The following PDZD2 variants were observed in gnomAD, a reference collection of about 807,000 sequenced individuals.
PDZD2 encodes the protein PDZ domain containing 2.
A neutral mutation model predicts 220.7 loss-of-function variants in PDZD2; 90 were observed. That is an observed-to-expected ratio of 0.41 (90% CI 0.34 to 0.49). PDZD2 has a LOEUF of 0.49. PDZD2 is among the 20% of genes least tolerant of loss of function. The probability of loss-of-function intolerance (pLI) is 0.28; values close to 1 mark genes in which losing one functional copy is unlikely to be tolerated. For missense variants in PDZD2, 3,174 were observed against 3,608.5 expected (o/e 0.88, Z 3.08); for synonymous variants, 1,375 against 1,450.5 (o/e 0.95, Z 1.18).
intron 1 of PDZD2, among the ~76,000 whole-genome samples, chr5:31,666,724 AAG>A (rs1423907379): frequency 1.8e-4 from 27 of 152,334 alleles, no homozygotes; most frequent in African/African-American, 5.1e-4. Flanking sequence ...TGTATACCAT[AAG>A]AGAGTAATTT....
chr5:31,960,088 C>T (rs1748071882), intron 2 of PDZD2, among the ~76,000 whole-genome samples: 1 of 152,164 alleles, frequency 6.6e-6, no homozygotes, highest in South Asian at 2.1e-4. Flanking sequence ...GACCCTGTTT[C>T]CAAACAAGGT....
chr5:31,644,642 G>T (rs1745070333), intron 1 of PDZD2, among the ~76,000 whole-genome samples: 1 of 152,172 alleles, frequency 6.6e-6, no homozygotes, highest in Non-Finnish European at 1.5e-5. Context: ...CCAGTAGTGT[G>T]TTCACCCCAC....
At chr5:31,869,423 CGTG>C (rs930994323) in intron 2 of PDZD2, among the ~76,000 whole-genome samples, 3 of 152,072 alleles carry the variant, frequency 2.0e-5, no homozygotes, top group East Asian at 1.9e-4. Flanking sequence ...ATTAGCCGGG[CGTG>C]GTGGCGGGCG....
chr5:31,677,874 A>G (rs1746497313), intron 1 of PDZD2, among the ~76,000 whole-genome samples: 1 of 151,708 alleles, frequency 6.6e-6, no homozygotes, highest in African/African-American at 2.4e-5. Context: ...TGGGGATGGT[A>G]GGACAGCAGC....
At chr5:31,761,751 C>CT (rs200660800) in intron 1 of PDZD2, among the ~76,000 whole-genome samples, 2,733 of 151,566 alleles carry the variant, frequency 0.018, 80 homozygotes, top group African/African-American at 0.063. Context: ...ATCCCAGCTA[C>CT]TTGAGAGGCT....
intron 2 of PDZD2, among the ~76,000 whole-genome samples, chr5:31,929,577 C>T (rs1371188624): frequency 6.6e-6 from 1 of 152,206 alleles, no homozygotes; most frequent in African/African-American, 2.4e-5. Flanking sequence ...AGGCCAGGCG[C>T]AGTGGCTCAC....
intron 2 of PDZD2, among the ~76,000 whole-genome samples, chr5:31,859,398 TTTC>T (rs1272718427): frequency 1.4e-4 from 22 of 152,194 alleles, no homozygotes; most frequent in Admixed American, 1.2e-3. Flanking sequence ...AAAAAAAACA[TTTC>T]TACTTCCTGG....
At chr5:31,695,065 A>C (rs1425426654) in intron 1 of PDZD2, among the ~76,000 whole-genome samples, 1 of 152,054 alleles carries the variant, frequency 6.6e-6, no homozygotes, top group Admixed American at 6.6e-5. Flanking sequence ...CGGAGGTTGC[A>C]GTGAGCCGAG....
intron 6 of PDZD2, among the ~76,000 whole-genome samples, chr5:32,017,462 AAAAATAGTTT>A (rs1753870352): frequency 1.3e-5 from 2 of 152,162 alleles, no homozygotes; most frequent in Non-Finnish European, 2.9e-5. Context: ...AAAATTAGAA[AAAAATAGTTT>A]AAAATGGCCT....
intron 1 of PDZD2, among the ~76,000 whole-genome samples, chr5:31,752,973 C>A (rs1163210805): frequency 6.6e-6 from 1 of 152,170 alleles, no homozygotes; most frequent in Non-Finnish European, 1.5e-5. Flanking sequence ...TCCTCCAAGG[C>A]CAGCACAGCC....
At chr5:31,686,223 CA>C (rs938970518) in intron 1 of PDZD2, among the ~76,000 whole-genome samples, 53 of 139,472 alleles carry the variant, frequency 3.8e-4, no homozygotes, top group African/African-American at 5.0e-4. Context: ...GTCTCCGTCT[CA>C]AAAAAAAAAA....
At chr5:31,843,253 A>G (rs540976443) in intron 2 of PDZD2, 1 of 150,628 alleles carries the variant, frequency 6.6e-6, no homozygotes, top group Admixed American at 6.6e-5. Context: ...TGGGCATATT[A>G]ACAACAACTT....
intron 1 of PDZD2, among the ~76,000 whole-genome samples, chr5:31,676,577 T>C (rs1191398379): frequency 6.6e-6 from 1 of 151,044 alleles, no homozygotes; most frequent in East Asian, 1.9e-4. Flanking sequence ...TCTTTTTTTT[T>C]TTTTTTTGAG....
In PDZD2 at chr5:32,088,639, G is replaced by C; in HGVS notation, c.5191G>C (p.Val1731Leu). 6.2e-7 allele frequency: 1 copy of C among 1,614,032 alleles called. No individual in the cohort carries two copies. The highest frequency in any genetic ancestry group is 8.5e-7 in the Non-Finnish European group (1 of 1,179,970). Residue 1731 changes from valine to leucine, a missense_variant, in exon 20 of 25, where the codon GTA becomes CTA. Around this residue, in one of 4 missense-constraint regions of PDZD2, gnomAD observed 1,861 missense variants for 2,001.0 expected, o/e 0.93. Transcript: ENST00000438447. The surrounding 1 kb of genome is among the most constrained non-coding windows in gnomAD (Gnocchi z 4.6). ...PPIILSSPNM[V>L]NGLEHDLLDD... Reference sequence around the variant, plus strand: ...CATCATTCTCAGCTCCCCCAACATGGTAAATGGCTTGGAACATGACCTGCT... The same window carrying C: ...CATCATTCTCAGCTCCCCCAACATGCTAAATGGCTTGGAACATGACCTGCT...
At chr5:32,077,746 C>T in intron 19 of PDZD2, 140 bp downstream of exon 19, 1 of 777,852 alleles carries the variant, frequency 1.3e-6, no homozygotes, top group East Asian at 2.9e-5. Context: ...CACTTGAGGT[C>T]AGGAGTTTGA....
At chr5:32,025,260 T>C (rs1467288019) in intron 6 of PDZD2, among the ~76,000 whole-genome samples, 1 of 152,122 alleles carries the variant, frequency 6.6e-6, no homozygotes, top group African/African-American at 2.4e-5. Flanking sequence ...GTGCGGTGGC[T>C]CACATCTGTA....
intron 2 of PDZD2, among the ~76,000 whole-genome samples, chr5:31,929,827 G>C (rs570664949): frequency 6.6e-6 from 1 of 152,258 alleles, no homozygotes; most frequent in South Asian, 2.1e-4. Flanking sequence ...TTGCATGTTT[G>C]TCCCCTCCAA....
rs533710192 is a variant in PDZD2 at position 31,646,796 on chromosome 5, C to A, written c.-361+7359C>A. ...TCCACAGTTTGCCACTGCCCACTCT[C>A]CACTCCTACCCCGCCCTGGCCACCT... On this transcript the variant is annotated intron_variant, in intron 1 of 24. Coordinates refer to ENST00000438447, the MANE Select transcript of PDZD2 (RefSeq NM_178140.4). The surrounding 1 kb of genome is among the most constrained non-coding windows in gnomAD (Gnocchi z 4.7). Among the ~76,000 whole-genome samples, 13 of 152,334 alleles carry A rather than the reference C, an allele frequency of 8.5e-5. No homozygotes were observed. The highest frequency in any genetic ancestry group is 2.9e-4 in the African/African-American group (12 of 41,572).
At chr5:31,743,548 C>G (rs1442628617) in intron 1 of PDZD2, among the ~76,000 whole-genome samples, 4 of 152,026 alleles carry the variant, frequency 2.6e-5, no homozygotes, top group Non-Finnish European at 4.4e-5. Context: ...TGCATGATGC[C>G]TAGCATATTG....
Sources: gnomAD v4.1 joint callset for allele counts (sites outside exome capture counted in the v4.1 genomes callset) on GRCh38, gnomAD v4.1.1 for gene constraint, gnomAD v4.1.1 regional missense constraint, Gnocchi (gnomAD v3.1) non-coding constraint, MANE v1.5 for transcripts, NCBI Gene and HGNC (gene_info 2026-07-23, HGNC 2026-07-21) for gene names.